The following CFHR2 variants were observed in gnomAD, a reference collection of about 807,000 sequenced individuals.
CFHR2 encodes complement factor H-related protein 2.
In CFHR2, 22 loss-of-function variants were observed where a neutral mutation model predicts 21.7. The observed-to-expected ratio is 1.01, with a 90% confidence interval of 0.72 to 1.45. CFHR2 has a LOEUF of 1.45. CFHR2 is among the 40% of genes most tolerant of loss of function. The pLI is 0.00. For missense variants in CFHR2, 294 were observed against 293.3 expected (o/e 1.00, Z -0.02); for synonymous variants, 98 against 97.4 (o/e 1.01, Z -0.04).
chr1:196,947,892 G>C (rs1366414091), intron 1 of CFHR2, among the ~76,000 whole-genome samples: 1 of 152,096 alleles, frequency 6.6e-6, no homozygotes, highest in Non-Finnish European at 1.5e-5. Context: ...GGTGAGGGAG[G>C]TTATGCATGT....
intron 3 of CFHR2, among the ~76,000 whole-genome samples, chr1:196,957,360 T>TA (rs1445787052): frequency 6.7e-5 from 10 of 150,042 alleles, no homozygotes; most frequent in South Asian, 2.1e-4. Context: ...TTTTTTTTTT[T>TA]ACTTTGTGTT....
intron 2 of CFHR2, among the ~76,000 whole-genome samples, 191 bp from the exon 3 acceptor site, chr1:196,950,661 C>G (rs146065703): frequency 4.1e-4 from 62 of 152,160 alleles, no homozygotes; most frequent in African/African-American, 1.4e-3. Flanking sequence ...TTAGTAGAAA[C>G]AGGGTTTCAC....
chr1:196,947,822 T>C (rs201799512), intron 1 of CFHR2, among the ~76,000 whole-genome samples: 3 of 104,126 alleles, frequency 2.9e-5, no homozygotes, highest in African/African-American at 1.0e-4. Flanking sequence ...CCATGGAATG[T>C]ACAACATCAA....
At chr1:196,953,870 C>G (rs1652754032) in intron 3 of CFHR2, among the ~76,000 whole-genome samples, 2 of 152,030 alleles carry the variant, frequency 1.3e-5, no homozygotes, top group African/African-American at 4.8e-5. Flanking sequence ...GGATTATTTA[C>G]TTTGTCTTGA....
At chr1:196,945,777 A>AGTGTGTGTGTGT (rs201838824) in intron 1 of CFHR2, among the ~76,000 whole-genome samples, 180 of 142,932 alleles carry the variant, frequency 1.3e-3, no homozygotes, top group South Asian at 3.8e-3. Context: ...ACTGTGAGTG[A>AGTGTGTGTGTGT]GTGTGTGTGT....
intron 4 of CFHR2, among the ~76,000 whole-genome samples, 185 bp from the exon 5 acceptor site, chr1:196,958,696 C>G (rs1045977146): frequency 7.9e-5 from 12 of 151,930 alleles, no homozygotes; most frequent in African/African-American, 2.7e-4. Flanking sequence ...AACATAGTAC[C>G]TCATTTTTAC....
rs1290651377 is a variant in CFHR2 at position 196,957,967 on chromosome 1, T to C, written c.507T>C (p.Ala169=). 1 of 1,613,616 alleles carries C rather than the reference T, an allele frequency of 6.2e-7. No homozygotes were observed. Among genetic ancestry groups the C allele is most frequent in the African/African-American group, 1.3e-5 (1 of 74,896 alleles). Reference sequence around the variant, plus strand: ...CTTCATTCCTGTTGTCAGTATATGCTCCAGGTTCATCAGTTGAGTACCAGT... The same window carrying C: ...CTTCATTCCTGTTGTCAGTATATGCCCCAGGTTCATCAGTTGAGTACCAGT... ...DITSFLLSVY[A]PGSSVEYQCQ... Residue 169 remains alanine (A), a synonymous_variant, in exon 4 of 5, where the codon GCT becomes GCC. Transcript: ENST00000367415.
chr1:196,947,573 A>C (rs1659557509), intron 1 of CFHR2, among the ~76,000 whole-genome samples: 1 of 152,226 alleles, frequency 6.6e-6, no homozygotes, highest in Non-Finnish European at 1.5e-5. Flanking sequence ...TCACAAAGTG[A>C]AAATATTTCA....
At chr1:196,949,191 C>A (rs1171094781) in intron 1 of CFHR2, among the ~76,000 whole-genome samples, 1 of 152,120 alleles carries the variant, frequency 6.6e-6, no homozygotes, top group East Asian at 1.9e-4. Context: ...GGGTTTTCTT[C>A]TTGAAGACAT....
intron 3 of CFHR2, among the ~76,000 whole-genome samples, chr1:196,952,054 G>T (rs571417665): frequency 6.6e-6 from 1 of 152,242 alleles, no homozygotes. Context: ...AATAGAATCC[G>T]TGGTATGCCT....
chr1:196,951,004 A>G lies in CFHR2; in HGVS notation c.406A>G (p.Thr136Ala), dbSNP rs192438709. The G allele has an allele frequency of 6.2e-6, 10 of 1,613,404 alleles. No homozygotes were observed. Among genetic ancestry groups the G allele is most frequent in the Non-Finnish European group, 8.5e-6 (10 of 1,179,808 alleles). ...NISCVERGWSTPPKCRSTISA... is the reference protein window; with the variant it reads ...NISCVERGWSAPPKCRSTISA... The stretch of plus-strand genomic sequence containing the variant: ...TTCATGTGTAGAACGGGGCTGGTCC[A>G]CTCCTCCCAAATGCAGGTCCACTAG... The change falls in exon 3 of 5, where the codon ACT (threonine) becomes GCT (alanine). Residue 136 changes from threonine (T) to alanine (A), a missense_variant. Transcript: ENST00000367415.
intron 2 of CFHR2, among the ~76,000 whole-genome samples, chr1:196,950,478 T>C (rs1419077565): frequency 1.3e-4 from 20 of 152,152 alleles, no homozygotes; most frequent in Non-Finnish European, 1.5e-5. Flanking sequence ...TTTGTTTTGT[T>C]TTGTTTTGTT....
rs1457969971 is a variant in CFHR2 at position 196,958,016 on chromosome 1, G to A, written c.556G>A (p.Gly186Ser). The A allele has an allele frequency of 1.2e-6, 2 of 1,613,654 alleles. No homozygotes were observed. Among genetic ancestry groups the A allele is most frequent in the East Asian group, 4.5e-5 (2 of 44,836 alleles). ...YQCQNLYQLE[G>S]NNQITCRNGQ... ...GTGCCAGAACTTGTATCAACTTGAGGGTAACAATCAAATAACATGTAGAAA... is the reference window on the plus strand; with the variant it reads ...GTGCCAGAACTTGTATCAACTTGAGAGTAACAATCAAATAACATGTAGAAA... The change falls in exon 4 of 5, where the codon GGT becomes AGT. Residue 186 changes from glycine to serine, a missense_variant. Physicochemically the swap from Gly to Ser is moderately conservative, Grantham distance 56. Transcript: ENST00000367415.
chr1:196,951,595 C>T (rs565390405), intron 3 of CFHR2, among the ~76,000 whole-genome samples: 34 of 152,192 alleles, frequency 2.2e-4, no homozygotes, highest in Middle Eastern at 3.4e-3. Context: ...TGCAATTCTT[C>T]GTCTTTATAG....
At chr1:196,946,087 A>G (rs1659473108) in intron 1 of CFHR2, among the ~76,000 whole-genome samples, 1 of 152,088 alleles carries the variant, frequency 6.6e-6, no homozygotes, top group Non-Finnish European at 1.5e-5. Flanking sequence ...AATATTAAAA[A>G]CGGCAGACTT....
In CFHR2 at chr1:196,959,067, G is replaced by C; in HGVS notation, c.800G>C (p.Cys267Ser). Residue 267 changes from cysteine to serine, a missense_variant, in exon 5 of 5, where the codon TGT becomes TCT. Transcript: ENST00000367415. Reference sequence around the variant, plus strand: ...AATGGGAAACTGGTATATCCCAGTTGTGAAGAAAAATAGAATCAATGGCAT... The same window carrying C: ...AATGGGAAACTGGTATATCCCAGTTCTGAAGAAAAATAGAATCAATGGCAT... ...CQNGKLVYPS[C>S]EEK 2 of 1,601,402 alleles carry C rather than the reference G, an allele frequency of 1.2e-6. No individual in the cohort carries two copies. The highest frequency in any genetic ancestry group is 1.1e-5 in the South Asian group (1 of 88,492).
At chr1:196,956,165 A>C (rs1422996337) in intron 3 of CFHR2, among the ~76,000 whole-genome samples, 6 of 152,352 alleles carry the variant, frequency 3.9e-5, no homozygotes, top group African/African-American at 1.4e-4. Flanking sequence ...GAGTGGAGAC[A>C]CAAAGCCTAA....
chr1:196,958,911 A>G lies in CFHR2; in HGVS notation c.644A>G (p.Glu215Gly), dbSNP rs990939210. The part of the protein sequence containing the change: ...DPCVISQEIM[E>G]KYNIKLKWTN... ...TGTGTAATATCACAAGAAATTATGG[A>G]AAAATATAACATAAAATTAAAGTGG... The change falls in exon 5 of 5, where the codon GAA (glutamate) becomes GGA (glycine). Residue 215 changes from glutamate to glycine, a missense_variant. Coordinates refer to ENST00000367415, the MANE Select transcript of CFHR2 (RefSeq NM_005666.4). 4 of 1,593,544 alleles carry G rather than the reference A, an allele frequency of 2.5e-6. No homozygotes were observed. In the African/African-American group the frequency reaches 4.0e-5, roughly 16 times the overall value.
At chr1:196,948,361 C>A (rs761641255) in intron 1 of CFHR2, among the ~76,000 whole-genome samples, 1 of 152,002 alleles carries the variant, frequency 6.6e-6, no homozygotes, top group Non-Finnish European at 1.5e-5. Flanking sequence ...CTGCAACATA[C>A]CCCTCCTGGG....
Sources: gnomAD v4.1 joint callset for allele counts (sites outside exome capture counted in the v4.1 genomes callset) on GRCh38, gnomAD v4.1.1 for gene constraint, MANE v1.5 for transcripts, NCBI Gene and HGNC (gene_info 2026-07-23, HGNC 2026-07-21) for gene names.